Variants in PDE4D observed in about 807,000 individuals in gnomAD.
PDE4D encodes the protein 3',5'-cyclic-AMP phosphodiesterase 4D.
In PDE4D, 24 loss-of-function variants were observed where a neutral mutation model predicts 87.4. The observed-to-expected ratio is 0.27, with a 90% CI of 0.20 to 0.39. PDE4D has a LOEUF of 0.39. Among genes scored for constraint, PDE4D ranks in the 10% least tolerant of loss-of-function variants. The pLI, the probability that PDE4D is intolerant of heterozygous loss-of-function variation, is 1.00. For synonymous variants in PDE4D, 384 were observed against 383.2 expected (o/e 1.00, Z -0.02); for missense variants, 714 against 1,041.0 (o/e 0.69, Z 4.32).
Position 59,456,999 on chromosome 5 carries a change from A to G in PDE4D, c.456-241031T>C, listed in dbSNP as rs1052935787. Among the ~76,000 whole-genome samples the G allele has an allele frequency of 6.6e-5, 10 of 152,364 alleles. No individual in the cohort carries two copies. In the South Asian group the frequency reaches 2.1e-3, roughly 32 times the overall value. ...TACTAATGGTAAAGATGCTATAAAA[A>G]TTGTTGAAATGACAATAAAAGATTT... On this transcript the variant is annotated intron_variant, in intron 1 of 14. Transcript: ENST00000340635.
At chr5:59,412,460 G>T (rs1792852902) in intron 1 of PDE4D, among the ~76,000 whole-genome samples, 5 of 152,180 alleles carry the variant, frequency 3.3e-5, no homozygotes, top group Admixed American at 2.0e-4. Flanking sequence ...GGGAGCACTG[G>T]AGTGGGGGAA....
intron 1 of PDE4D, among the ~76,000 whole-genome samples, chr5:59,717,845 T>A (rs1755248097): frequency 6.6e-6 from 1 of 152,226 alleles, no homozygotes; most frequent in Non-Finnish European, 1.5e-5. Context: ...CATTCAGTCC[T>A]CCAACAACCC....
At chr5:59,480,196 CTT>C (rs371840329) in intron 1 of PDE4D, among the ~76,000 whole-genome samples, 1 of 145,768 alleles carries the variant, frequency 6.9e-6, no homozygotes, top group Non-Finnish European at 1.5e-5. Flanking sequence ...GTACTCCAAG[CTT>C]TTTTTTTTAA....
At chr5:60,238,529 AC>A (rs1554190609) in intron 1 of PDE4D, among the ~76,000 whole-genome samples, 1 of 151,998 alleles carries the variant, frequency 6.6e-6, no homozygotes, top group Non-Finnish European at 1.5e-5. Context: ...CTTATTTGGC[AC>A]TTTCACACTT....
intron 5 of PDE4D, among the ~76,000 whole-genome samples, chr5:59,130,182 T>G (rs1269959778): frequency 1.3e-5 from 2 of 152,188 alleles, no homozygotes; most frequent in Non-Finnish European, 2.9e-5. Context: ...TGAATGCATG[T>G]TTCACTGAGT....
intron 1 of PDE4D, among the ~76,000 whole-genome samples, chr5:60,481,098 C>A (rs527533006): frequency 6.6e-6 from 1 of 152,088 alleles, no homozygotes; most frequent in African/African-American, 2.4e-5. Flanking sequence ...TATTTGTTGT[C>A]TTTATTTCTT....
At chr5:59,181,198 G>A (rs902883116) in intron 4 of PDE4D, among the ~76,000 whole-genome samples, 8 of 151,888 alleles carry the variant, frequency 5.3e-5, no homozygotes, top group African/African-American at 1.9e-4. Context: ...TGTCCAAATA[G>A]ATACTATAGA....
chr5:59,028,753 G>C (rs1320114826), intron 6 of PDE4D, among the ~76,000 whole-genome samples: 2 of 151,988 alleles, frequency 1.3e-5, no homozygotes, highest in Non-Finnish European at 2.9e-5. Flanking sequence ...ATCCAACTGA[G>C]GGTAAAGAAG....
rs1046017666 is a variant in PDE4D, at chr5:59,724,612, G to A, written c.455+168556C>T. 2.0e-5 allele frequency among the ~76,000 whole-genome samples: 3 copies of A among 152,056 alleles called. No individual in the cohort carries two copies. In the East Asian group the frequency reaches 5.8e-4, roughly 29 times the overall value. On this transcript the variant is annotated intron_variant, in intron 1 of 14. Coordinates refer to ENST00000340635, the MANE Select transcript of PDE4D (RefSeq NM_001104631.2). The stretch of plus-strand genomic sequence containing the variant: ...AAAGTGTAAATTATGAAGTCACGAT[G>A]CCAGTAAATGCTTTTATTGGCTTGT...
intron 1 of PDE4D, among the ~76,000 whole-genome samples, chr5:59,262,562 T>C (rs16889495): frequency 0.12 from 17,927 of 151,802 alleles, 1,098 homozygotes; most frequent in Middle Eastern, 0.17. Flanking sequence ...CAACCCTAAG[T>C]TGTTCCCTGA....
intron 1 of PDE4D, among the ~76,000 whole-genome samples, chr5:60,382,673 T>A (rs1198773212): frequency 6.6e-6 from 1 of 152,204 alleles, no homozygotes; most frequent in African/African-American, 2.4e-5. Context: ...GTTTATGACC[T>A]CAGGTACTTC....
chr5:60,157,299 C>A (rs890521054), intron 2 of PDE4D, among the ~76,000 whole-genome samples: 2 of 152,078 alleles, frequency 1.3e-5, no homozygotes, highest in African/African-American at 4.8e-5. Flanking sequence ...CTTATACATT[C>A]ATTCATTCAA....
At chr5:59,459,409 G>A (rs1431062146) in intron 1 of PDE4D, among the ~76,000 whole-genome samples, 2 of 152,036 alleles carry the variant, frequency 1.3e-5, no homozygotes, top group Non-Finnish European at 2.9e-5. Context: ...ATACATTTTG[G>A]CTTCAAATCC....
intron 2 of PDE4D, among the ~76,000 whole-genome samples, chr5:60,070,855 A>T (rs1772636493): frequency 1.3e-5 from 2 of 151,956 alleles, no homozygotes; most frequent in Admixed American, 6.6e-5. Context: ...TTCAATATCT[A>T]TACTAGTTAT....
At chr5:59,817,378 C>A (rs1383786185) in intron 1 of PDE4D, among the ~76,000 whole-genome samples, 1 of 152,172 alleles carries the variant, frequency 6.6e-6, no homozygotes, top group Admixed American at 6.5e-5. Context: ...AGAAGAACCT[C>A]AAATCCTTAC....
chr5:60,370,502 A>AAATC (rs1375357317), intron 1 of PDE4D, among the ~76,000 whole-genome samples: 1 of 152,200 alleles, frequency 6.6e-6, no homozygotes, highest in East Asian at 1.9e-4. Flanking sequence ...GCAAGAATAC[A>AAATC]AATCAACCTA....
At chr5:59,571,054 T>C (rs957287772) in intron 1 of PDE4D, among the ~76,000 whole-genome samples, 5 of 152,192 alleles carry the variant, frequency 3.3e-5, no homozygotes, top group Admixed American at 6.5e-5. Flanking sequence ...ATAACATGTG[T>C]AACATATGAA....
chr5:60,393,945 T>C lies in PDE4D; in HGVS notation c.-90+93997A>G, dbSNP rs540949761. ...TCATTGAATGTTTTCCTGAGTTATA[T>C]TCCAATTATCTACAGATTTACCTAA... On this transcript the variant is annotated intron_variant, in intron 1 of 16. Coordinates refer to the PDE4D transcript ENST00000502484. 9.8e-5 allele frequency among the ~76,000 whole-genome samples: 15 copies of C among 152,370 alleles called. No homozygotes were observed. In the South Asian group the frequency reaches 3.1e-3, roughly 32 times the overall value.
chr5:60,354,792 A>T (rs1759481033), intron 1 of PDE4D, among the ~76,000 whole-genome samples: 1 of 152,182 alleles, frequency 6.6e-6, no homozygotes, highest in Non-Finnish European at 1.5e-5. Flanking sequence ...CATTGAAAAA[A>T]TAGTCCAAGA....
Sources: allele counts gnomAD v4.1 joint callset (sites outside exome capture counted in the v4.1 genomes callset), GRCh38; gene constraint gnomAD v4.1.1; transcripts MANE v1.5; gene names NCBI Gene and HGNC (gene_info 2026-07-23, HGNC 2026-07-21).